HELZ: variants seen among roughly 807,000 people sequenced by gnomAD.
HELZ encodes the protein ATP-dependent RNA helicase with zinc finger domain.
In HELZ, 23 loss-of-function variants were observed where a neutral mutation model predicts 218.2. The ratio of observed to expected loss-of-function variants is 0.11; its 90% CI spans 0.08 to 0.15. HELZ has a LOEUF of 0.15. Ranked by LOEUF, HELZ falls within the 10% of genes least tolerant of loss-of-function variation. HELZ has a pLI of 1.00. For missense variants in HELZ, 1,813 were observed against 2,353.7 expected (o/e 0.77, Z 4.75); for synonymous variants, 814 against 829.4 (o/e 0.98, Z 0.32).
At chr17:67,083,721 T>C (rs115034646) in intron 32 of HELZ, among the ~76,000 whole-genome samples, 3,837 of 152,306 alleles carry the variant, frequency 0.025, 147 homozygotes, top group African/African-American at 0.086. Flanking sequence ...AAAGTATGTC[T>C]TGTCACCAGG....
chr17:67,208,964 AAAGAG>A (rs1363459914), intron 5 of HELZ, among the ~76,000 whole-genome samples: 2 of 149,808 alleles, frequency 1.3e-5, no homozygotes, highest in African/African-American at 4.9e-5. Flanking sequence ...AGAAAAAAGA[AAAGAG>A]AAGAGAAGAG....
chr17:67,125,199 C>T (rs1029087173), intron 24 of HELZ, among the ~76,000 whole-genome samples: 3 of 144,150 alleles, frequency 2.1e-5, no homozygotes, highest in African/African-American at 8.3e-5. Flanking sequence ...ATAAAAAAGC[C>T]TCATGAAGTC....
intron 3 of HELZ, among the ~76,000 whole-genome samples, chr17:67,224,015 G>C (rs1235139893): frequency 2.0e-5 from 3 of 152,142 alleles, no homozygotes; most frequent in African/African-American, 7.2e-5. Context: ...AAAAGCCCAC[G>C]ATTTCCCTTC....
chr17:67,078,388 C>G lies in HELZ; in HGVS notation c.5693G>C (p.Ser1898Thr). The change falls in exon 33 of 33, where the codon AGC (serine) becomes ACC (threonine). Residue 1898 changes from serine (S) to threonine (T), a missense_variant. Coordinates refer to ENST00000358691, the MANE Select transcript of HELZ (RefSeq NM_014877.4). Reference sequence around the variant, plus strand: ...GGGCTTTGGAGGGGCCCGCAGAGCGCTGGCATAGGACATGGCGGGCTTGCC... The same window carrying G: ...GGGCTTTGGAGGGGCCCGCAGAGCGGTGGCATAGGACATGGCGGGCTTGCC... ...AGGKPAMSYA[S>T]ALRAPPKPRP... The G allele has an allele frequency of 6.2e-7, 1 of 1,608,536 alleles. No homozygotes were observed.
intron 13 of HELZ, among the ~76,000 whole-genome samples, chr17:67,169,455 C>G (rs1598360120): frequency 6.6e-6 from 1 of 152,274 alleles, no homozygotes; most frequent in Middle Eastern, 3.4e-3. Flanking sequence ...ACTGAATTCA[C>G]TCTTCTAACA....
At position 67,073,546 on chromosome 17, in the gene HELZ, T is replaced by C. The variant is rs1263443488; in HGVS notation, c.*4706A>G. 1 of 152,256 alleles carries C rather than the reference T, an allele frequency of 6.6e-6. No individual in the cohort carries two copies. The highest frequency in any genetic ancestry group is 2.4e-5 in the African/African-American group (1 of 41,454). The allele number at this position is 152,256 out of a possible 1,614,324, so 9.4% of individuals were successfully genotyped here. A position where few individuals can be genotyped will look rare whatever the true frequency, so the allele number is the denominator to read the frequency against. On this transcript the variant is annotated 3_prime_UTR_variant, in exon 33 of 33. Transcript: ENST00000358691. Reference sequence around the variant, plus strand: ...AGTTTTAGACGCTTTAGACGACCACTGCGGAACTGGGTTTGGTATTTAACC... The same window carrying C: ...AGTTTTAGACGCTTTAGACGACCACCGCGGAACTGGGTTTGGTATTTAACC...
intron 3 of HELZ, among the ~76,000 whole-genome samples, chr17:67,232,893 G>A (rs918610876): frequency 6.6e-6 from 1 of 152,220 alleles, no homozygotes; most frequent in African/African-American, 2.4e-5. Flanking sequence ...CAGCACTTTG[G>A]GAGGCCAAGG....
At chr17:67,154,672 A>T (rs1343357301) in intron 17 of HELZ, among the ~76,000 whole-genome samples, 2 of 152,220 alleles carry the variant, frequency 1.3e-5, no homozygotes, top group Non-Finnish European at 2.9e-5. Flanking sequence ...ACATGTTTTT[A>T]AATTCTTCGA....
chr17:67,154,716 C>G (rs2038786984), intron 17 of HELZ, among the ~76,000 whole-genome samples: 1 of 152,072 alleles, frequency 6.6e-6, no homozygotes, highest in Admixed American at 6.5e-5. Context: ...ATTTTTCATT[C>G]AATTCAAGAC....
Position 67,190,220 on chromosome 17 carries a change from G to A in HELZ, c.693C>T (p.Leu231=), listed in dbSNP as rs2039857106. The A allele has an allele frequency of 6.2e-7, 1 of 1,613,998 alleles. No homozygotes were observed. Among genetic ancestry groups the A allele is most frequent in the Admixed American group, 1.7e-5 (1 of 60,026 alleles). ...KLKQQNENKQ[L]SGSYMETLIE... ...TCAAGGTTTCCATGTAACTGCCTGA[G>A]AGCTGTTTATTCTCATTTTGCTGTT... The change falls in exon 10 of 33, where the codon CTC becomes CTT. Residue 231 remains leucine (L), a synonymous_variant. Transcript: ENST00000358691.
intron 24 of HELZ, chr17:67,128,435 T>C: frequency 1.8e-6 from 1 of 563,274 alleles, no homozygotes; most frequent in Non-Finnish European, 3.2e-6. Context: ...GTATTAAAAA[T>C]TGTTTGAGAA....
intron 31 of HELZ, among the ~76,000 whole-genome samples, chr17:67,093,538 T>G (rs927393311): frequency 6.6e-6 from 1 of 152,272 alleles, no homozygotes; most frequent in Non-Finnish European, 1.5e-5. Flanking sequence ...ACGATGGGAA[T>G]GTTCTGTGTC....
chr17:67,110,404 T>A (rs904433385), intron 28 of HELZ, among the ~76,000 whole-genome samples: 3 of 152,182 alleles, frequency 2.0e-5, no homozygotes, highest in African/African-American at 7.2e-5. Context: ...ATATATTTCC[T>A]CAAAAATATC....
chr17:67,244,763 C>T, intron 1 of HELZ: 3 of 985,160 alleles, frequency 3.0e-6, no homozygotes, highest in Non-Finnish European at 3.6e-6. Context: ...CTCCCCACCC[C>T]CAGCCGCGAC....
intron 2 of HELZ, among the ~76,000 whole-genome samples, chr17:67,240,344 C>T (rs2041286884): frequency 6.6e-6 from 1 of 152,168 alleles, no homozygotes; most frequent in African/African-American, 2.4e-5. Context: ...AGCTGTTTGC[C>T]AGATTCAGCT....
intron 22 of HELZ, among the ~76,000 whole-genome samples, chr17:67,136,899 G>A (rs1418140282): frequency 6.6e-6 from 1 of 152,102 alleles, no homozygotes; most frequent in East Asian, 1.9e-4. Flanking sequence ...TGAACTTAAT[G>A]CCACAGAACT....
intron 17 of HELZ, 121 bp from the exon 18 acceptor site, chr17:67,151,345 G>A: frequency 1.3e-6 from 1 of 771,456 alleles, no homozygotes; most frequent in South Asian, 1.9e-5. Context: ...AATGAATCTG[G>A]TAACCGTTAG....
At chr17:67,080,542 A>G (rs2036157376) in intron 32 of HELZ, among the ~76,000 whole-genome samples, 1 of 152,174 alleles carries the variant, frequency 6.6e-6, no homozygotes, top group Non-Finnish European at 1.5e-5. Flanking sequence ...GAATTTGCCC[A>G]TTTACCCATC....
At chr17:67,193,462 A>G (rs2039949513) in intron 9 of HELZ, among the ~76,000 whole-genome samples, 1 of 152,198 alleles carries the variant, frequency 6.6e-6, no homozygotes, top group Middle Eastern at 3.2e-3. Flanking sequence ...TCACGCCTCT[A>G]ATCCCAGCAC....
Sources: gnomAD v4.1 joint callset for allele counts (sites outside exome capture counted in the v4.1 genomes callset) on GRCh38, gnomAD v4.1.1 for gene constraint, MANE v1.5 for transcripts, NCBI Gene and HGNC (gene_info 2026-07-23, HGNC 2026-07-21) for gene names.